The following TCERG1 variants were observed in gnomAD, a reference collection of about 807,000 sequenced individuals.
The protein encoded by TCERG1 is TATA box binding protein (TBP)-associated factor, RNA polymerase II, S, 150kD.
TCERG1 carries 37 observed loss-of-function variants against 144.7 expected under a neutral mutation model. That is an observed-to-expected ratio of 0.26 (90% CI 0.20 to 0.34). The LOEUF is 0.34. Ranked by LOEUF, TCERG1 falls within the 10% of genes least tolerant of loss-of-function variation. The probability of loss-of-function intolerance (pLI) is 1.00; values close to 1 mark genes in which losing one functional copy is unlikely to be tolerated. For missense variants in TCERG1, 1,027 were observed against 1,380.7 expected, an observed-to-expected ratio of 0.74 and a Z score of 4.06; for synonymous variants, 492 against 458.2, an observed-to-expected ratio of 1.07 and a Z score of -0.94.
At chr5:146,497,869 A>G (rs1767075764) in intron 16 of TCERG1, among the ~76,000 whole-genome samples, 1 of 152,030 alleles carries the variant, frequency 6.6e-6, no homozygotes, top group Admixed American at 6.6e-5. Flanking sequence ...TAGTAGCTTG[A>G]TATATAGAGT....
rs543137704 is a variant in TCERG1 at position 146,450,029 on chromosome 5, C to T, written c.59+2621C>T. Among the ~76,000 whole-genome samples, 7 of 152,190 alleles carry T rather than the reference C, an allele frequency of 4.6e-5. No individual in the cohort carries two copies. The East Asian group carries it at 1.2e-3, about 25-fold the overall frequency. On this transcript the variant is annotated intron_variant, in intron 1 of 22. Transcript: ENST00000679501. ...CTGTAGTGAGGATTAAGAGTTAATACGGATAATGTCTGTATAACCATGCTG... is the reference window on the plus strand; with the variant it reads ...CTGTAGTGAGGATTAAGAGTTAATATGGATAATGTCTGTATAACCATGCTG...
chr5:146,490,458 T>G (rs1229023917), intron 15 of TCERG1, among the ~76,000 whole-genome samples: 3 of 152,232 alleles, frequency 2.0e-5, no homozygotes, highest in African/African-American at 7.2e-5. Flanking sequence ...AAAACCCTTA[T>G]TGTACCCTTA....
chr5:146,500,923 G>T (rs781022310), intron 17 of TCERG1, among the ~76,000 whole-genome samples: 1 of 150,942 alleles, frequency 6.6e-6, no homozygotes, highest in South Asian at 2.1e-4. Flanking sequence ...TGGGAGGATC[G>T]CTTGAGCCCA....
chr5:146,487,565 C>T (rs1765960714), intron 15 of TCERG1, among the ~76,000 whole-genome samples: 1 of 151,862 alleles, frequency 6.6e-6, no homozygotes, highest in Non-Finnish European at 1.5e-5. Context: ...AGTGAGATCT[C>T]TCTACAAAAA....
rs1163486514 is a variant in TCERG1, at chr5:146,459,114, C to T, written c.669C>T (p.Ala223=). 1 of 1,593,322 alleles carries T rather than the reference C, an allele frequency of 6.3e-7. No homozygotes were observed. Among genetic ancestry groups the T allele is most frequent in the Non-Finnish European group, 8.6e-7 (1 of 1,165,230 alleles). The change falls in exon 4 of 23, where the codon GCC becomes GCT. Residue 223 remains alanine, a synonymous_variant. Coordinates refer to ENST00000679501, the MANE Select transcript of TCERG1 (RefSeq NM_001382548.1). Reference sequence around the variant, plus strand: ...CCCAGGCCCAGGCCCAGGCCCAAGCCCAAGCCCAGGCCCAGGCTCAGGCTC... The same window carrying T: ...CCCAGGCCCAGGCCCAGGCCCAAGCTCAAGCCCAGGCCCAGGCTCAGGCTC... ...AQAQAQAQAQ[A]QAQAQAQAQA...
chr5:146,483,709 C>T, intron 15 of TCERG1, 80 bp downstream of exon 15: 1 of 1,122,306 alleles, frequency 8.9e-7, no homozygotes, highest in South Asian at 1.6e-5. Context: ...AAAGTACCAT[C>T]CCTTTTTTTT....
chr5:146,463,885 T>C (rs1248477619), intron 5 of TCERG1, 92 bp downstream of exon 5: 1 of 1,544,738 alleles, frequency 6.5e-7, no homozygotes, highest in African/African-American at 1.4e-5. Context: ...GAAATTTGCC[T>C]TGAATCTCAC....
At position 146,503,407 on chromosome 5, in the gene TCERG1, T is replaced by C; in HGVS notation, c.2466T>C (p.Asn822=). The C allele has an allele frequency of 6.2e-7, 1 of 1,613,700 alleles. No homozygotes were observed. Among genetic ancestry groups the C allele is most frequent in the Non-Finnish European group, 8.5e-7 (1 of 1,179,786 alleles). Residue 822 remains asparagine, a synonymous_variant, in exon 18 of 23, where the codon AAT becomes AAC. Transcript: ENST00000679501. Reference sequence around the variant, plus strand: ...CGGATTTCTTTGAACTATTATCTAATCATCACTTGGACAGTCAGTCTCGAT... The same window carrying C: ...CGGATTTCTTTGAACTATTATCTAACCATCACTTGGACAGTCAGTCTCGAT... ...IKSDFFELLS[N]HHLDSQSRWS... is the part of the protein sequence containing the mutation.
chr5:146,493,840 G>A (rs1253358851), intron 16 of TCERG1, among the ~76,000 whole-genome samples: 1 of 152,050 alleles, frequency 6.6e-6, no homozygotes, highest in African/African-American at 2.4e-5. Flanking sequence ...AGTGGTATTA[G>A]GTTACTGGGA....
At chr5:146,476,529 A>G (rs994712199) in intron 9 of TCERG1, among the ~76,000 whole-genome samples, 6 of 152,158 alleles carry the variant, frequency 3.9e-5, no homozygotes, top group African/African-American at 1.5e-4. Context: ...TAATTATTCC[A>G]CTGACTGTTA....
At chr5:146,481,277 G>A (rs148391500) in intron 13 of TCERG1, 77 bp downstream of exon 13, 5 of 710,340 alleles carry the variant, frequency 7.0e-6, no homozygotes, top group East Asian at 1.3e-4. Context: ...GTGATAGTTT[G>A]TATTGTGACA....
chr5:146,490,335 A>G (rs1308017867), intron 15 of TCERG1, among the ~76,000 whole-genome samples: 1 of 152,182 alleles, frequency 6.6e-6, no homozygotes, highest in African/African-American at 2.4e-5. Context: ...ATTTTGTTGT[A>G]CTTGTTATAA....
At chr5:146,464,494 T>A (rs930959756) in intron 5 of TCERG1, among the ~76,000 whole-genome samples, 3 of 152,258 alleles carry the variant, frequency 2.0e-5, no homozygotes, top group Non-Finnish European at 2.9e-5. Flanking sequence ...TGTGTTATAT[T>A]GTCTTAAGAG....
intron 1 of TCERG1, among the ~76,000 whole-genome samples, chr5:146,448,209 G>C (rs1036272968): frequency 4.6e-5 from 7 of 152,172 alleles, no homozygotes; most frequent in African/African-American, 1.7e-4. Context: ...GATTGCATAG[G>C]CGGATTTGTG....
At chr5:146,479,965 G>A in intron 11 of TCERG1, 54 bp downstream of exon 11, 2 of 1,603,586 alleles carry the variant, frequency 1.2e-6, no homozygotes, top group African/African-American at 1.3e-5. Context: ...TAAAGCAAGT[G>A]TTCTGGTAGT....
intron 9 of TCERG1, among the ~76,000 whole-genome samples, chr5:146,472,611 A>G (rs866789136): frequency 6.6e-6 from 1 of 151,996 alleles, no homozygotes; most frequent in Non-Finnish European, 1.5e-5. Flanking sequence ...ATTTTCCCTG[A>G]GACACAACAA....
At chr5:146,488,159 C>A (rs942326049) in intron 15 of TCERG1, among the ~76,000 whole-genome samples, 9 of 151,910 alleles carry the variant, frequency 5.9e-5, no homozygotes, top group African/African-American at 1.9e-4. Flanking sequence ...TAGAAAAAAA[C>A]CATAGAGGAA....
intron 17 of TCERG1, among the ~76,000 whole-genome samples, chr5:146,502,372 A>G (rs1209926870): frequency 6.6e-6 from 1 of 152,186 alleles, no homozygotes; most frequent in Non-Finnish European, 1.5e-5. Flanking sequence ...TATGGTCAGA[A>G]TCCTTTGTTG....
rs1763982208 is a variant in TCERG1 at position 146,468,399 on chromosome 5, G to T, written c.1194G>T (p.Lys398Asn). 3.1e-6 allele frequency: 5 copies of T among 1,611,286 alleles called. No individual in the cohort carries two copies. Among genetic ancestry groups the T allele is most frequent in the East Asian group, 4.5e-5 (2 of 44,700 alleles). ...ATGTAAAGACAGTCGCTACCACCAA[G>T]ACCGGTAATTTTTAAAACCATCTTA... ...CPYVKTVATT[K>N]TGVLPGMAPP... The change falls in exon 6 of 23, where the codon AAG becomes AAT. Residue 398 changes from lysine (K) to asparagine (N), a missense_variant. Around this residue, in one of 6 missense-constraint regions of TCERG1, gnomAD observed 482 missense variants for 632.6 expected, o/e 0.76. Coordinates refer to ENST00000679501, the MANE Select transcript of TCERG1 (RefSeq NM_001382548.1).
Sources: gnomAD v4.1 joint callset for allele counts (sites outside exome capture counted in the v4.1 genomes callset) on GRCh38, gnomAD v4.1.1 for gene constraint, gnomAD v4.1.1 regional missense constraint, MANE v1.5 for transcripts, NCBI Gene and HGNC (gene_info 2026-07-23, HGNC 2026-07-21) for gene names.